Variants in GLI3 observed in about 807,000 individuals in gnomAD.
GLI3 encodes transcription activator GLI3.
GLI3 carries 20 observed loss-of-function variants against 100.8 expected under a neutral mutation model. The ratio of observed to expected loss-of-function variants is 0.20; its 90% CI spans 0.14 to 0.29. The LOEUF is 0.29. Ranked by LOEUF, GLI3 falls within the 10% of genes least tolerant of loss-of-function variation. The pLI is 1.00. For synonymous variants in GLI3, 938 were observed against 860.5 expected, an observed-to-expected ratio of 1.09 and a Z score of -1.58; for missense variants, 2,040 against 2,128.5, an observed-to-expected ratio of 0.96 and a Z score of 0.82.
chr7:42,111,173 A>G (rs898582504), intron 3 of GLI3, among the ~76,000 whole-genome samples: 2 of 152,208 alleles, frequency 1.3e-5, no homozygotes, highest in Admixed American at 1.3e-4. Context: ...CCTTATCCAC[A>G]CTAAGTTTTG....
chr7:42,105,884 G>T (rs547088523), intron 3 of GLI3, among the ~76,000 whole-genome samples: 1 of 152,234 alleles, frequency 6.6e-6, no homozygotes, highest in South Asian at 2.1e-4. Flanking sequence ...TTTAATGAGC[G>T]GGGTGTGAGG....
intron 3 of GLI3, among the ~76,000 whole-genome samples, chr7:42,102,792 AG>A (rs1190664722): frequency 4.6e-5 from 7 of 152,256 alleles, no homozygotes; most frequent in African/African-American, 1.7e-4. Context: ...TAAGTCAAGC[AG>A]GGTCATTTGA....
intron 10 of GLI3, among the ~76,000 whole-genome samples, chr7:41,993,411 C>T (rs879670704): frequency 6.6e-6 from 1 of 152,204 alleles, no homozygotes; most frequent in Admixed American, 6.5e-5. Flanking sequence ...GATCCTGGTC[C>T]TGATGACCCC....
At chr7:42,215,259 C>A (rs186280740) in intron 2 of GLI3, among the ~76,000 whole-genome samples, 5 of 152,162 alleles carry the variant, frequency 3.3e-5, no homozygotes, top group Admixed American at 1.3e-4. Flanking sequence ...GAACGGCACA[C>A]CACAAAGAGT....
chr7:42,081,483 T>C (rs911999540), intron 3 of GLI3, among the ~76,000 whole-genome samples: 1 of 152,156 alleles, frequency 6.6e-6, no homozygotes, highest in African/African-American at 2.4e-5. Context: ...GCAAAAATAT[T>C]TGTGCTGGGT....
chr7:42,167,752 G>A (rs1280665240), intron 2 of GLI3, among the ~76,000 whole-genome samples: 1 of 152,174 alleles, frequency 6.6e-6, no homozygotes, highest in East Asian at 1.9e-4. Context: ...AGGCTGATAA[G>A]TGGATATGGC....
intron 6 of GLI3, 129 bp downstream of exon 6, chr7:42,045,255 A>C: frequency 1.1e-6 from 1 of 902,538 alleles, no homozygotes; most frequent in Admixed American, 1.7e-5. Context: ...AGCACCAGAT[A>C]GTGGTGGTTC....
upstream of GLI3, among the ~76,000 whole-genome samples, chr7:42,238,361 C>A (rs929845349): frequency 2.0e-5 from 3 of 152,148 alleles, no homozygotes. Flanking sequence ...CGCCCCCCAT[C>A]CTTGGCTCCC....
chr7:42,194,571 G>T (rs900635328), intron 2 of GLI3, among the ~76,000 whole-genome samples: 4 of 152,010 alleles, frequency 2.6e-5, no homozygotes, highest in African/African-American at 7.3e-5. Flanking sequence ...CAAATTTGGG[G>T]TCATCATTGT....
intron 3 of GLI3, among the ~76,000 whole-genome samples, chr7:42,132,774 C>T (rs962574507): frequency 2.6e-5 from 4 of 152,284 alleles, no homozygotes; most frequent in Admixed American, 1.3e-4. Flanking sequence ...AATTGTTCAA[C>T]CAAATCTGAC....
intron 4 of GLI3, among the ~76,000 whole-genome samples, chr7:42,064,195 A>T (rs917934077): frequency 5.9e-5 from 9 of 152,180 alleles, no homozygotes; most frequent in Non-Finnish European, 1.2e-4. Flanking sequence ...TTTATGGCTT[A>T]GGGAGAAAAA....
At position 42,152,375 on chromosome 7, in the gene GLI3, T is replaced by C. The variant is rs903102615; in HGVS notation, c.125-3907A>G. On this transcript the variant is annotated intron_variant, in intron 2 of 14. Transcript: ENST00000395925. ...TACAACACAGTCCCCAGGCTCTGGCTAGCTACTTTGCGCCAACTTCTCTTG... is the reference window on the plus strand; with the variant it reads ...TACAACACAGTCCCCAGGCTCTGGCCAGCTACTTTGCGCCAACTTCTCTTG... The C allele has an allele frequency of 6.1e-6, 6 of 984,666 alleles. No homozygotes were observed. The African/African-American group carries it at 1.0e-4, about 17-fold the overall frequency. 61.0% of individuals were successfully genotyped at this position (984,666 alleles called of 1,614,324 possible).
intron 3 of GLI3, among the ~76,000 whole-genome samples, chr7:42,112,243 T>C (rs1278404046): frequency 6.6e-6 from 1 of 152,178 alleles, no homozygotes; most frequent in African/African-American, 2.4e-5. Context: ...ACTGTTATTA[T>C]AAGCAGGAAG....
chr7:42,143,175 A>G (rs1786614096), intron 3 of GLI3, among the ~76,000 whole-genome samples: 1 of 152,206 alleles, frequency 6.6e-6, no homozygotes, highest in African/African-American at 2.4e-5. Context: ...CTAGGAAGCA[A>G]GAGACCTAGC....
At chr7:42,179,426 T>C (rs879283263) in intron 2 of GLI3, among the ~76,000 whole-genome samples, 12 of 152,108 alleles carry the variant, frequency 7.9e-5, no homozygotes, top group Admixed American at 7.9e-4. Flanking sequence ...TGTATGGACA[T>C]TGACTCCAAG....
intron 3 of GLI3, among the ~76,000 whole-genome samples, chr7:42,100,020 ATG>A (rs1390947535): frequency 1.3e-5 from 2 of 152,382 alleles, no homozygotes; most frequent in East Asian, 3.9e-4. Flanking sequence ...TCATTGGATA[ATG>A]TGTTTATAAA....
At chr7:41,981,676 C>T (rs1787672100) in intron 10 of GLI3, among the ~76,000 whole-genome samples, 1 of 152,178 alleles carries the variant, frequency 6.6e-6, no homozygotes, top group African/African-American at 2.4e-5. Context: ...GCCTGTGCCT[C>T]GCTGCTGACA....
intron 4 of GLI3, among the ~76,000 whole-genome samples, chr7:42,069,282 G>A (rs1393363585): frequency 4.6e-5 from 7 of 152,190 alleles, no homozygotes; most frequent in Admixed American, 6.5e-5. Context: ...AAACAGAAAG[G>A]AGTATACACC....
In GLI3 at chr7:42,136,768, T is replaced by G. The variant is rs188831263; in HGVS notation, c.367+11458A>C. Among the ~76,000 whole-genome samples the G allele has an allele frequency of 3.0e-4, 45 of 152,272 alleles. 1 individual carries two copies. Among genetic ancestry groups the G allele is most frequent in the African/African-American group, 9.1e-4 (38 of 41,556 alleles). On this transcript the variant is annotated intron_variant, in intron 3 of 14. Transcript: ENST00000395925. The stretch of plus-strand genomic sequence containing the variant: ...CAAAGCCTGGACACCGAAGTGGCAT[T>G]TGGCCTGCCTTCCCTGATTCTACAC...
Sources: allele counts gnomAD v4.1 joint callset (sites outside exome capture counted in the v4.1 genomes callset), GRCh38; gene constraint gnomAD v4.1.1; transcripts MANE v1.5; gene names NCBI Gene and HGNC (gene_info 2026-07-23, HGNC 2026-07-21).